The following ADARB2 variants were observed in gnomAD, a reference collection of about 807,000 sequenced individuals.
ADARB2 encodes adenosine deaminase RNA specific B2 (inactive).
In ADARB2, 25 loss-of-function variants were observed where a neutral mutation model predicts 62.2. The observed-to-expected ratio is 0.40, with a 90% CI of 0.29 to 0.56. The LOEUF is 0.56. Among genes scored for constraint, ADARB2 ranks in the 20% least tolerant of loss-of-function variants. The probability of loss-of-function intolerance (pLI) is 0.43; values close to 1 mark genes in which losing one functional copy is unlikely to be tolerated. For missense variants in ADARB2, 1,071 were observed against 1,077.4 expected, an observed-to-expected ratio of 0.99 and a Z score of 0.08; for synonymous variants, 572 against 500.8, an observed-to-expected ratio of 1.14 and a Z score of -1.90.
At chr10:1,275,677 G>T (rs571084024) in intron 3 of ADARB2, among the ~76,000 whole-genome samples, 1 of 114,790 alleles carries the variant, frequency 8.7e-6, no homozygotes, top group African/African-American at 3.6e-5. Flanking sequence ...CCCACAACAG[G>T]CCCCGGTTGT....
intron 1 of ADARB2, among the ~76,000 whole-genome samples, chr10:1,606,319 C>T (rs756603677): frequency 5.3e-5 from 8 of 151,598 alleles, no homozygotes; most frequent in Non-Finnish European, 7.4e-5. Flanking sequence ...GAAACCTGAG[C>T]GGGGGGGAGC....
intron 1 of ADARB2, among the ~76,000 whole-genome samples, chr10:1,418,702 C>A (rs1236930248): frequency 6.6e-6 from 1 of 152,168 alleles, no homozygotes; most frequent in Non-Finnish European, 1.5e-5. Flanking sequence ...ACTATTTCCT[C>A]CTCAGTGCCC....
At chr10:1,510,738 C>G (rs1360192605) in intron 1 of ADARB2, among the ~76,000 whole-genome samples, 1 of 152,136 alleles carries the variant, frequency 6.6e-6, no homozygotes, top group Admixed American at 6.5e-5. Flanking sequence ...TCCCCCACCC[C>G]CTACAGTCCC....
rs1032544085 is a variant in ADARB2 at position 1,398,718 on chromosome 10, C to A, written c.101-19558G>T. Among the ~76,000 whole-genome samples the A allele has an allele frequency of 2.0e-5, 3 of 152,174 alleles. No homozygotes were observed. The highest frequency in any genetic ancestry group is 7.2e-5 in the African/African-American group (3 of 41,448). ...GGTATCAGCATAGATGGAGAAGAGACTTTCGTGCCTCTGACCCTCAAATTA... is the reference window on the plus strand; with the variant it reads ...GGTATCAGCATAGATGGAGAAGAGAATTTCGTGCCTCTGACCCTCAAATTA... On this transcript the variant is annotated intron_variant, in intron 1 of 9. Transcript: ENST00000381312. This position sits in a 1 kb window ranked among gnomAD's most constrained non-coding sequence, Gnocchi z 4.1.
At chr10:1,259,233 A>G (rs1378041666) in intron 4 of ADARB2, among the ~76,000 whole-genome samples, 1 of 152,200 alleles carries the variant, frequency 6.6e-6, no homozygotes, top group African/African-American at 2.4e-5. Context: ...CATCACAGTG[A>G]AAAGAACTAG....
At chr10:1,419,602 G>C (rs577694687) in intron 1 of ADARB2, among the ~76,000 whole-genome samples, 4 of 152,354 alleles carry the variant, frequency 2.6e-5, no homozygotes, top group Admixed American at 6.5e-5. Flanking sequence ...CAGATGGTTG[G>C]TGCTGCAGTA....
intron 3 of ADARB2, among the ~76,000 whole-genome samples, chr10:1,311,415 G>T (rs555663772): frequency 6.6e-6 from 1 of 152,250 alleles, no homozygotes; most frequent in South Asian, 2.1e-4. Flanking sequence ...TAACAGGTGC[G>T]ATCCTTCAGA....
chr10:1,287,932 T>G (rs1010171756), intron 3 of ADARB2, among the ~76,000 whole-genome samples: 2 of 152,256 alleles, frequency 1.3e-5, no homozygotes, highest in South Asian at 2.1e-4. Flanking sequence ...ACACAAACAT[T>G]GTCCTCGTCA....
At chr10:1,602,940 G>A (rs180996160) in intron 1 of ADARB2, among the ~76,000 whole-genome samples, 59 of 147,198 alleles carry the variant, frequency 4.0e-4, no homozygotes, top group African/African-American at 1.2e-3. Context: ...CACATCATGC[G>A]CACACCTGTA....
At chr10:1,676,114 A>G (rs1181446728) in intron 1 of ADARB2, 2 of 968,526 alleles carry the variant, frequency 2.1e-6, no homozygotes, top group Admixed American at 1.2e-4. Flanking sequence ...GCATATTAGG[A>G]CAAAATTGCC....
chr10:1,448,788 G>A (rs56368317), intron 1 of ADARB2, among the ~76,000 whole-genome samples: 13,018 of 152,054 alleles, frequency 0.086, 626 homozygotes, highest in South Asian at 0.19. Flanking sequence ...TTCCTTTGTC[G>A]ACCTAGCACT....
At chr10:1,515,009 A>G (rs1588284087) in intron 1 of ADARB2, among the ~76,000 whole-genome samples, 1 of 152,138 alleles carries the variant, frequency 6.6e-6, no homozygotes, top group East Asian at 2.0e-4. Context: ...CACTGTGAAC[A>G]GGCGTTTACA....
intron 1 of ADARB2, among the ~76,000 whole-genome samples, chr10:1,562,022 G>A (rs1832792791): frequency 6.6e-6 from 1 of 152,258 alleles, no homozygotes; most frequent in Non-Finnish European, 1.5e-5. Flanking sequence ...CGAGCTCATC[G>A]CCTCCCAGGA....
chr10:1,515,566 C>A (rs537124405), intron 1 of ADARB2, among the ~76,000 whole-genome samples: 1 of 152,368 alleles, frequency 6.6e-6, no homozygotes, highest in South Asian at 2.1e-4. Flanking sequence ...AACCCGCCAG[C>A]CTTGGGAGGC....
chr10:1,449,102 C>T (rs563633485), intron 1 of ADARB2, among the ~76,000 whole-genome samples: 2 of 152,318 alleles, frequency 1.3e-5, no homozygotes, highest in African/African-American at 4.8e-5. Context: ...CCTCCATCCT[C>T]GGTCTTTCCA....
chr10:1,516,200 C>T lies in ADARB2; in HGVS notation c.101-137040G>A, dbSNP rs551426806. ...TCATTGCGGGCTGACCTTCCTTCCT[C>T]GTGTCCTGCAGCTGCGTCCCTTACC... On this transcript the variant is annotated intron_variant, in intron 1 of 9. Transcript: ENST00000381312. Among the ~76,000 whole-genome samples, 52 of 152,298 alleles carry T rather than the reference C, an allele frequency of 3.4e-4. 1 individual carries two copies. Among genetic ancestry groups the T allele is most frequent in the African/African-American group, 1.1e-3 (46 of 41,562 alleles).
At chr10:1,529,712 G>A (rs991299663) in intron 1 of ADARB2, among the ~76,000 whole-genome samples, 1 of 152,164 alleles carries the variant, frequency 6.6e-6, no homozygotes, top group African/African-American at 2.4e-5. Flanking sequence ...GCTTCCCCAG[G>A]AGACAGAATG....
At chr10:1,322,606 T>G (rs956203428) in intron 3 of ADARB2, among the ~76,000 whole-genome samples, 8 of 152,152 alleles carry the variant, frequency 5.3e-5, no homozygotes, top group African/African-American at 1.9e-4. Flanking sequence ...ATTTGGTCAT[T>G]TGGAGCCATT....
chr10:1,510,202 A>G (rs1235968603), intron 1 of ADARB2, among the ~76,000 whole-genome samples: 1 of 114,228 alleles, frequency 8.8e-6, no homozygotes, highest in African/African-American at 3.4e-5. Flanking sequence ...CTTTCTTTCA[A>G]CAAGATCTCG....
Sources: allele counts gnomAD v4.1 joint callset (sites outside exome capture counted in the v4.1 genomes callset), GRCh38; gene constraint gnomAD v4.1.1; non-coding constraint Gnocchi (gnomAD v3.1); transcripts MANE v1.5; gene names NCBI Gene and HGNC (gene_info 2026-07-23, HGNC 2026-07-21).